ZC3H11A: variants seen among roughly 807,000 people sequenced by gnomAD.
ZC3H11A encodes zinc finger CCCH-type containing 11A.
Under a neutral mutation model 90.8 loss-of-function variants are expected in ZC3H11A, and 22 were observed. The observed-to-expected ratio is 0.24, with a 90% CI of 0.17 to 0.35. The LOEUF (loss-of-function observed/expected upper bound fraction) is 0.35, where lower values mean the gene tolerates loss of function less well. ZC3H11A is among the 10% of genes least tolerant of loss of function. ZC3H11A has a pLI of 1.00. For missense variants in ZC3H11A, 701 were observed against 964.9 expected (o/e 0.73, Z 3.62); for synonymous variants, 294 against 339.8 (o/e 0.87, Z 1.48).
chr1:203,851,142 T>A lies in ZC3H11A; in HGVS notation c.2174+18T>A. ...AGAGACAGGTAATACTTTGTAATTCTTTCTAAACAAACTCCAGGCCCCTGT... is the reference window on the plus strand; with the variant it reads ...AGAGACAGGTAATACTTTGTAATTCATTCTAAACAAACTCCAGGCCCCTGT... On this transcript the variant is annotated intron_variant, in intron 17 of 17. Transcript: ENST00000367210. The A allele has an allele frequency of 6.2e-7, 1 of 1,613,164 alleles. No homozygotes were observed. Among genetic ancestry groups the A allele is most frequent in the Non-Finnish European group, 8.5e-7 (1 of 1,179,494 alleles).
intron 4 of ZC3H11A, among the ~76,000 whole-genome samples, chr1:203,824,869 G>GT (rs1258675600): frequency 6.6e-6 from 1 of 151,990 alleles, no homozygotes. Flanking sequence ...CATCTCAGGA[G>GT]TTTGAGACCA....
intron 5 of ZC3H11A, among the ~76,000 whole-genome samples, chr1:203,828,778 A>G (rs1294894085): frequency 6.6e-6 from 1 of 152,172 alleles, no homozygotes; most frequent in East Asian, 1.9e-4. Flanking sequence ...TTGCCCATTC[A>G]TTTACATATT....
intron 8 of ZC3H11A, among the ~76,000 whole-genome samples, chr1:203,830,925 A>ATTTTTTTTTTTTTTTTTTT (rs774771270): frequency 1.9e-5 from 1 of 51,354 alleles, no homozygotes; most frequent in Non-Finnish European, 3.7e-5. Flanking sequence ...CCAACCCCCA[A>ATTTTTTTTTTTTTTTTTTT]TTTTTTTTTT....
At chr1:203,822,279 C>T (rs1679043182) in intron 4 of ZC3H11A, among the ~76,000 whole-genome samples, 1 of 152,046 alleles carries the variant, frequency 6.6e-6, no homozygotes, top group African/African-American at 2.4e-5. Context: ...TTTCCTTCCT[C>T]TCAGGCTCTG....
chr1:203,804,753 A>G (rs1465959554), intron 2 of ZC3H11A, among the ~76,000 whole-genome samples: 1 of 149,920 alleles, frequency 6.7e-6, no homozygotes, highest in African/African-American at 2.5e-5. Flanking sequence ...GCTCATTGCA[A>G]CCTCTGCCTT....
intron 14 of ZC3H11A, among the ~76,000 whole-genome samples, chr1:203,848,955 G>A (rs1688630509): frequency 6.6e-6 from 1 of 152,108 alleles, no homozygotes; most frequent in African/African-American, 2.4e-5. Context: ...CATGATCTCG[G>A]TTCACTGCAA....
At chr1:203,800,829 C>T (rs528586453) in intron 1 of ZC3H11A, 9 of 160,128 alleles carry the variant, frequency 5.6e-5, no homozygotes, top group Admixed American at 1.3e-4. Flanking sequence ...CTGAAATCAA[C>T]GAAATGAGAA....
rs1689620688 is a variant in ZC3H11A, at chr1:203,853,189, G to A, written c.*790G>A. The stretch of plus-strand genomic sequence containing the variant: ...TGAAAATTGTCCTTTTTCTTCTTCA[G>A]TACTTGCCTCCTTGCTGGCATTGAA... On this transcript the variant is annotated 3_prime_UTR_variant, in exon 18 of 18. Coordinates refer to ENST00000367210, the MANE Select transcript of ZC3H11A (RefSeq NM_001376342.1). 6.6e-6 allele frequency: 1 copy of A among 152,176 alleles called. No homozygotes were observed. Among genetic ancestry groups the A allele is most frequent in the Admixed American group, 6.6e-5 (1 of 15,226 alleles). 9.4% of individuals were successfully genotyped at this position (152,176 alleles called of 1,614,324 possible).
chr1:203,845,189 T>C (rs1687554244), intron 12 of ZC3H11A, among the ~76,000 whole-genome samples: 1 of 152,206 alleles, frequency 6.6e-6, no homozygotes, highest in Admixed American at 6.6e-5. Flanking sequence ...CTTCAAGATG[T>C]ATGCTCTGCC....
In ZC3H11A at chr1:203,817,201, A is replaced by G. The variant is rs1676639234; in HGVS notation, c.54+77A>G. 2.3e-6 allele frequency: 3 copies of G among 1,286,160 alleles called. No individual in the cohort carries two copies. In the Admixed American group the frequency reaches 7.5e-5, roughly 32 times the overall value. The allele number at this position is 1,286,160 out of a possible 1,614,324, so 79.7% of individuals were successfully genotyped here. ...TTGGATAAGATTTTCCCAACATTTTAAGTTGTTTTTATTATATATATATTT... is the reference window on the plus strand; with the variant it reads ...TTGGATAAGATTTTCCCAACATTTTGAGTTGTTTTTATTATATATATATTT... On this transcript the variant is annotated intron_variant, in intron 3 of 17. Transcript: ENST00000367210.
At chr1:203,806,019 T>C in intron 2 of ZC3H11A, 1 of 547,928 alleles carries the variant, frequency 1.8e-6, no homozygotes, top group East Asian at 4.4e-5. Flanking sequence ...TGAATGACTC[T>C]TGGGTGCGAT....
chr1:203,814,123 C>T (rs1434146569), intron 2 of ZC3H11A, among the ~76,000 whole-genome samples: 1 of 152,138 alleles, frequency 6.6e-6, no homozygotes, highest in African/African-American at 2.4e-5. Context: ...CTGTTCCTTC[C>T]ACACTTTGCT....
chr1:203,829,327 G>A (rs1681523874), intron 5 of ZC3H11A, 124 bp from the exon 6 acceptor site: 3 of 970,046 alleles, frequency 3.1e-6, no homozygotes, highest in Non-Finnish European at 4.6e-6. Flanking sequence ...GAACTTAAAT[G>A]AGGAAATTTA....
chr1:203,821,584 T>C (rs916903079), intron 4 of ZC3H11A, among the ~76,000 whole-genome samples: 1 of 152,202 alleles, frequency 6.6e-6, no homozygotes, highest in South Asian at 2.1e-4. Flanking sequence ...TTCAGCCCTG[T>C]ATTCGGCCAT....
At chr1:203,835,404 T>C (rs1483662654) in intron 10 of ZC3H11A, among the ~76,000 whole-genome samples, 1 of 152,232 alleles carries the variant, frequency 6.6e-6, no homozygotes, top group Non-Finnish European at 1.5e-5. Flanking sequence ...TTACACGTTA[T>C]ACAGTCATTT....
intron 2 of ZC3H11A, chr1:203,805,748 C>A: frequency 1.5e-6 from 1 of 673,420 alleles, no homozygotes; most frequent in Non-Finnish European, 2.8e-6. Flanking sequence ...TCTTGGTCAG[C>A]CACAAGCTCA....
In ZC3H11A at chr1:203,836,464, A is replaced by G. The variant is rs539230690; in HGVS notation, c.875-1502A>G. 3.3e-5 allele frequency among the ~76,000 whole-genome samples: 5 copies of G among 152,310 alleles called. 1 individual carries two copies. In the South Asian group the frequency reaches 1.0e-3, roughly 32 times the overall value. ...TTGTATTGAACAGTGTAATAAAACTAGAAGGCTGGGCGCGGTAGCTTACGC... is the reference window on the plus strand; with the variant it reads ...TTGTATTGAACAGTGTAATAAAACTGGAAGGCTGGGCGCGGTAGCTTACGC... On this transcript the variant is annotated intron_variant, in intron 10 of 17. Transcript: ENST00000367210.
intron 9 of ZC3H11A, among the ~76,000 whole-genome samples, chr1:203,832,165 T>G (rs1682592246): frequency 6.6e-6 from 1 of 152,124 alleles, no homozygotes; most frequent in African/African-American, 2.4e-5. Flanking sequence ...TTCAAGCAAT[T>G]TTCGTGTCTC....
At chr1:203,842,019 C>T (rs190486392) in intron 12 of ZC3H11A, among the ~76,000 whole-genome samples, 9 of 147,750 alleles carry the variant, frequency 6.1e-5, no homozygotes, top group South Asian at 2.1e-4. Flanking sequence ...AGGGCAGAGG[C>T]GCTCCCCACA....
Sources: allele counts gnomAD v4.1 joint callset (sites outside exome capture counted in the v4.1 genomes callset), GRCh38; gene constraint gnomAD v4.1.1; transcripts MANE v1.5; gene names NCBI Gene and HGNC (gene_info 2026-07-23, HGNC 2026-07-21).